Variants in SNTG1 observed in about 807,000 individuals in gnomAD.
SNTG1 encodes the protein syntrophin gamma 1.
SNTG1 carries 39 observed loss-of-function variants against 74.7 expected under a neutral mutation model. The ratio of observed to expected loss-of-function variants is 0.52; its 90% confidence interval spans 0.40 to 0.68. The LOEUF (loss-of-function observed/expected upper bound fraction) is 0.68. SNTG1 is among the 30% of genes least tolerant of loss of function. The pLI is 0.00. For missense variants in SNTG1, 685 were observed against 609.5 expected, an observed-to-expected ratio of 1.12 and a Z score of -1.30; for synonymous variants, 254 against 217.1, an observed-to-expected ratio of 1.17 and a Z score of -1.49.
chr8:50,631,515 T>C (rs901961524), intron 13 of SNTG1, among the ~76,000 whole-genome samples: 1 of 152,156 alleles, frequency 6.6e-6, no homozygotes, highest in African/African-American at 2.4e-5. Context: ...AAATTAACAG[T>C]GAATGACTCT....
intron 1 of SNTG1, among the ~76,000 whole-genome samples, chr8:49,998,135 A>C (rs981219469): frequency 1.3e-5 from 2 of 152,170 alleles, no homozygotes. Context: ...ACACATACAT[A>C]AACATACACA....
intron 2 of SNTG1, among the ~76,000 whole-genome samples, chr8:50,227,647 C>T (rs577463833): frequency 1.3e-5 from 2 of 151,934 alleles, no homozygotes; most frequent in Non-Finnish European, 2.9e-5. Context: ...CAACGCAGCT[C>T]CAGTAAAATA....
intron 1 of SNTG1, among the ~76,000 whole-genome samples, chr8:49,954,937 T>C (rs1164203624): frequency 6.6e-6 from 1 of 152,234 alleles, no homozygotes; most frequent in Admixed American, 6.5e-5. Context: ...GTAAGCAGAA[T>C]GTTTAACTGG....
chr8:50,792,774 C>T lies in SNTG1; in HGVS notation c.1499C>T (p.Thr500Ile). Residue 500 changes from threonine to isoleucine, a missense_variant, in exon 19 of 19, where the codon ACT (threonine) becomes ATT (isoleucine). Coordinates refer to ENST00000642720, the MANE Select transcript of SNTG1 (RefSeq NM_018967.5). ...CCTCTATTTTTAGGCAATCAAGCTA[C>T]TGCTTCTACTGCTGCCAGCTCTGCT... ...LDPLFLGNQATASTAASSATT... is the reference protein window; with the variant it reads ...LDPLFLGNQAIASTAASSATT... 1 of 1,612,536 alleles carries T rather than the reference C, an allele frequency of 6.2e-7. No homozygotes were observed. The highest frequency in any genetic ancestry group is 1.1e-5 in the South Asian group (1 of 91,044).
intron 2 of SNTG1, among the ~76,000 whole-genome samples, chr8:50,362,074 G>A (rs887452894): frequency 1.3e-5 from 2 of 152,092 alleles, no homozygotes; most frequent in African/African-American, 4.8e-5. Flanking sequence ...ACCCCCAAAT[G>A]TGCTTCCTGC....
chr8:50,586,572 C>T lies in SNTG1; in HGVS notation c.811-4307C>T, dbSNP rs560434736. Among the ~76,000 whole-genome samples, 12 of 152,084 alleles carry T rather than the reference C, an allele frequency of 7.9e-5. No individual in the cohort carries two copies. The East Asian group carries it at 2.3e-3, about 30-fold the overall frequency. ...ATTTCCATGTTCTAGCACTTATCAC[C>T]ATGAGTCACACTTGGTAGAAGGTCA... On this transcript the variant is annotated intron_variant, in intron 12 of 18. Transcript: ENST00000642720.
At chr8:50,309,068 C>A (rs969512411) in intron 2 of SNTG1, among the ~76,000 whole-genome samples, 4 of 151,928 alleles carry the variant, frequency 2.6e-5, no homozygotes, top group African/African-American at 9.7e-5. Flanking sequence ...AGAGCTAATA[C>A]TTAGAAGAAA....
intron 15 of SNTG1, among the ~76,000 whole-genome samples, chr8:50,675,690 T>C (rs564352433): frequency 1.3e-5 from 2 of 152,218 alleles, no homozygotes; most frequent in Admixed American, 6.5e-5. Flanking sequence ...GTGAATTTGA[T>C]CCTGTCATCA....
chr8:50,786,936 T>C (rs777260350), intron 18 of SNTG1, among the ~76,000 whole-genome samples: 6 of 151,932 alleles, frequency 3.9e-5, no homozygotes, highest in Non-Finnish European at 7.4e-5. Context: ...ACAATTGTGC[T>C]TAGACTCCAC....
chr8:50,008,297 G>C (rs1815441278), intron 1 of SNTG1, among the ~76,000 whole-genome samples: 1 of 152,132 alleles, frequency 6.6e-6, no homozygotes, highest in African/African-American at 2.4e-5. Flanking sequence ...GTATGAAAAT[G>C]AGCCAGTATT....
rs540129995 is a variant in SNTG1 at position 50,598,840 on chromosome 8, T to G, written c.849+7923T>G. Among the ~76,000 whole-genome samples, 145 of 152,146 alleles carry G rather than the reference T, an allele frequency of 9.5e-4. No individual in the cohort carries two copies. In the South Asian group the frequency reaches 0.012, roughly 12 times the overall value. Reference sequence around the variant, plus strand: ...AGTATTTCTCTGTGGCCATTGTAAATGAAATTGCTTCCTAATTTTTTTATG... The same window carrying G: ...AGTATTTCTCTGTGGCCATTGTAAAGGAAATTGCTTCCTAATTTTTTTATG... On this transcript the variant is annotated intron_variant, in intron 13 of 18. Coordinates refer to ENST00000642720, the MANE Select transcript of SNTG1 (RefSeq NM_018967.5).
intron 1 of SNTG1, among the ~76,000 whole-genome samples, chr8:50,108,635 C>A (rs1188016314): frequency 6.6e-6 from 1 of 152,102 alleles, no homozygotes; most frequent in African/African-American, 2.4e-5. Context: ...GATTTAGTAT[C>A]TTCTTTCTTT....
intron 12 of SNTG1, among the ~76,000 whole-genome samples, chr8:50,583,627 G>A (rs531068668): frequency 8.2e-4 from 125 of 151,712 alleles, no homozygotes; most frequent in Non-Finnish European, 1.5e-3. Context: ...GCAGTAATAC[G>A]AATTTTCTTT....
chr8:50,574,313 A>G (rs549431458), intron 12 of SNTG1, among the ~76,000 whole-genome samples: 1 of 152,260 alleles, frequency 6.6e-6, no homozygotes, highest in East Asian at 1.9e-4. Context: ...CCAGTTTCTG[A>G]AAGAGTACAT....
intron 8 of SNTG1, among the ~76,000 whole-genome samples, chr8:50,493,202 T>C (rs1271389067): frequency 6.6e-6 from 1 of 152,186 alleles, no homozygotes; most frequent in Non-Finnish European, 1.5e-5. Flanking sequence ...TCCAACTTTG[T>C]TGTAATTTTT....
intron 2 of SNTG1, among the ~76,000 whole-genome samples, chr8:50,185,593 A>C (rs1178201191): frequency 6.6e-6 from 1 of 152,214 alleles, no homozygotes; most frequent in African/African-American, 2.4e-5. Context: ...ATATAAATGT[A>C]TATGTGAAAA....
chr8:50,598,079 C>T, intron 13 of SNTG1, among the ~76,000 whole-genome samples: 1 of 151,074 alleles, frequency 6.6e-6, no homozygotes, highest in Admixed American at 6.6e-5. Context: ...TTGATGCAAT[C>T]CCATTTGTCT....
chr8:50,419,552 T>A (rs1280439577), intron 4 of SNTG1, among the ~76,000 whole-genome samples: 1 of 152,144 alleles, frequency 6.6e-6, no homozygotes, highest in Admixed American at 6.6e-5. Context: ...TCGCAAACAA[T>A]GGAGTCGGTT....
intron 2 of SNTG1, among the ~76,000 whole-genome samples, chr8:50,386,421 G>C (rs2092574777): frequency 7.3e-6 from 1 of 137,082 alleles, no homozygotes; most frequent in African/African-American, 2.7e-5. Context: ...AAAAGATTCT[G>C]CAATTCTTTG....
Sources: gnomAD v4.1 joint callset for allele counts (sites outside exome capture counted in the v4.1 genomes callset) on GRCh38, gnomAD v4.1.1 for gene constraint, MANE v1.5 for transcripts, NCBI Gene and HGNC (gene_info 2026-07-23, HGNC 2026-07-21) for gene names.